Variants in P2RY14 observed in about 807,000 individuals in gnomAD.
P2RY14 encodes purinergic receptor P2Y14.
Under a neutral mutation model 0.9 loss-of-function variants are expected in P2RY14, and 2 were observed. The ratio of observed to expected loss-of-function variants is 2.16; its 90% CI spans 0.88 to 6.79. The LOEUF (loss-of-function observed/expected upper bound fraction) is 6.79. P2RY14 is among the 30% of genes most tolerant of loss of function. The pLI is 0.05. For synonymous variants in P2RY14, 158 were observed against 147.2 expected (o/e 1.07, Z -0.53); for missense variants, 378 against 400.1 (o/e 0.94, Z 0.47).
chr3:151,262,317 C>T (rs1038892628), intron 1 of P2RY14, among the ~76,000 whole-genome samples: 6 of 152,208 alleles, frequency 3.9e-5, no homozygotes, highest in Non-Finnish European at 7.3e-5. Context: ...TTGTTCATCT[C>T]CAGTAGCATG....
intron 1 of P2RY14, among the ~76,000 whole-genome samples, chr3:151,238,702 A>G (rs1356965580): frequency 4.6e-5 from 7 of 152,242 alleles, no homozygotes; most frequent in Non-Finnish European, 7.3e-5. Context: ...ACAAGAAAAG[A>G]AAAATCAGTT....
At chr3:151,237,862 G>A (rs1277848917) in intron 1 of P2RY14, among the ~76,000 whole-genome samples, 2 of 152,126 alleles carry the variant, frequency 1.3e-5, no homozygotes, top group Non-Finnish European at 2.9e-5. Context: ...TCTATGAAAT[G>A]TCTAGTCACA....
intron 1 of P2RY14, among the ~76,000 whole-genome samples, chr3:151,236,427 C>G (rs967691939): frequency 6.6e-6 from 1 of 152,120 alleles, no homozygotes; most frequent in Non-Finnish European, 1.5e-5. Context: ...AGCATTCAAG[C>G]AAGGATGACT....
chr3:151,235,165 A>G (rs1185759895), intron 1 of P2RY14, among the ~76,000 whole-genome samples: 1 of 152,176 alleles, frequency 6.6e-6, no homozygotes, highest in Non-Finnish European at 1.5e-5. Flanking sequence ...ATAAAAAGTA[A>G]AAGCTTAACC....
chr3:151,236,155 G>GC (rs1370424622), intron 1 of P2RY14, among the ~76,000 whole-genome samples: 7 of 152,120 alleles, frequency 4.6e-5, no homozygotes, highest in Admixed American at 3.9e-4. Context: ...AATAGAGCTT[G>GC]CTCTACAGTT....
At chr3:151,246,946 A>G (rs1371938297) in intron 1 of P2RY14, among the ~76,000 whole-genome samples, 1 of 152,204 alleles carries the variant, frequency 6.6e-6, no homozygotes, top group African/African-American at 2.4e-5. Context: ...AACCCCATCA[A>G]AAAGTGGGCA....
chr3:151,265,808 T>A (rs1443400400), intron 1 of P2RY14, among the ~76,000 whole-genome samples: 2 of 152,130 alleles, frequency 1.3e-5, no homozygotes, highest in East Asian at 3.9e-4. Flanking sequence ...TATAAAAAAA[T>A]TTCTCCCTGC....
At chr3:151,267,332 A>G (rs1488355475) in intron 1 of P2RY14, among the ~76,000 whole-genome samples, 1 of 152,208 alleles carries the variant, frequency 6.6e-6, no homozygotes, top group Non-Finnish European at 1.5e-5. Context: ...ACTTCATGAG[A>G]AAAGGAATTT....
At position 151,220,001 on chromosome 3, in the gene P2RY14, T is replaced by A. The variant is rs543758283; in HGVS notation, c.-132-359A>T. Among the ~76,000 whole-genome samples, 8 of 150,878 alleles carry A rather than the reference T, an allele frequency of 5.3e-5. No homozygotes were observed. The East Asian group carries it at 7.8e-4, about 15-fold the overall frequency. ...AAGTCTAATTGCAGGTGGATTTTTT[T>A]AATTGTTTTGTTTTTTAAAAACCTT... On this transcript the variant is annotated intron_variant, in intron 1 of 2. Coordinates refer to ENST00000309170, the MANE Select transcript of P2RY14 (RefSeq NM_014879.4).
At chr3:151,240,830 G>C (rs1733928949) in intron 1 of P2RY14, among the ~76,000 whole-genome samples, 1 of 152,236 alleles carries the variant, frequency 6.6e-6, no homozygotes, top group Non-Finnish European at 1.5e-5. Context: ...GAGACAAGGA[G>C]TGATAGGTGA....
In P2RY14 at chr3:151,213,776, G is replaced by A. The variant is rs202142868; in HGVS notation, c.541C>T (p.Arg181Trp). Residue 181 changes from arginine (R) to tryptophan (W), a missense_variant, in exon 3 of 3, where the codon CGG (arginine) becomes TGG (tryptophan). Physicochemically the swap from Arg to Trp is moderately radical, Grantham distance 101. Transcript: ENST00000309170. ...TAGTTTGATGCTTTGTGCCACTTCCGTCCCAGTTCACTTTTCAGTTCTATA... is the reference window on the plus strand; with the variant it reads ...TAGTTTGATGCTTTGTGCCACTTCCATCCCAGTTCACTTTTCAGTTCTATA... ...KCIELKSELG[R>W]KWHKASNYIF... 3.1e-5 allele frequency: 50 copies of A among 1,613,960 alleles called. No homozygotes were observed. Among genetic ancestry groups the A allele is most frequent in the South Asian group, 6.6e-5 (6 of 91,082 alleles).
rs541579747 is a variant in P2RY14 at position 151,219,266 on chromosome 3, G to A, written c.-25+269C>T. ...AGATAACCTCAGGGTTCTCTCTTTG[G>A]ACAGAATTTAATTGATACAAGGCTG... On this transcript the variant is annotated intron_variant, in intron 2 of 2. Coordinates refer to ENST00000309170, the MANE Select transcript of P2RY14 (RefSeq NM_014879.4). 3.3e-5 allele frequency among the ~76,000 whole-genome samples: 5 copies of A among 152,250 alleles called. No individual in the cohort carries two copies. In the South Asian group the frequency reaches 1.0e-3, roughly 32 times the overall value.
At chr3:151,221,944 A>C (rs1303643438) in intron 1 of P2RY14, among the ~76,000 whole-genome samples, 1 of 152,220 alleles carries the variant, frequency 6.6e-6, no homozygotes, top group African/African-American at 2.4e-5. Flanking sequence ...ACTCAATGCC[A>C]GGAGGGAGGC....
At chr3:151,263,562 C>T (rs996817062) in intron 1 of P2RY14, among the ~76,000 whole-genome samples, 7 of 152,082 alleles carry the variant, frequency 4.6e-5, no homozygotes, top group African/African-American at 7.2e-5. Flanking sequence ...CGTGTTTTAT[C>T]GTTAATTTAA....
In P2RY14 at chr3:151,246,347, A is replaced by G. The variant is rs1258183509; in HGVS notation, c.-132-26705T>C. 1.1e-4 allele frequency among the ~76,000 whole-genome samples: 17 copies of G among 152,250 alleles called. No homozygotes were observed. The East Asian group carries it at 3.3e-3, about 29-fold the overall frequency. ...AAGCCAAAAGAACAAAGCTGGAGGC[A>G]TCACGCTACCTGACTTCAAACTATA... On this transcript the variant is annotated intron_variant, in intron 1 of 2. Coordinates refer to ENST00000309170, the MANE Select transcript of P2RY14 (RefSeq NM_014879.4).
chr3:151,223,986 A>G (rs562105719), intron 1 of P2RY14, among the ~76,000 whole-genome samples: 5 of 152,332 alleles, frequency 3.3e-5, no homozygotes, highest in African/African-American at 1.2e-4. Flanking sequence ...TGTATCTGTG[A>G]TATTTTATTT....
intron 1 of P2RY14, among the ~76,000 whole-genome samples, chr3:151,277,338 T>C (rs1459582670): frequency 6.6e-6 from 1 of 152,232 alleles, no homozygotes; most frequent in Non-Finnish European, 1.5e-5. Context: ...ATAAAATTCA[T>C]TGCATGTTTA....
chr3:151,264,624 A>G (rs1265774607), intron 1 of P2RY14, among the ~76,000 whole-genome samples: 1 of 152,192 alleles, frequency 6.6e-6, no homozygotes, highest in Non-Finnish European at 1.5e-5. Flanking sequence ...GTGTATTAAA[A>G]ACTGCTCTGT....
At chr3:151,242,280 A>G (rs1041681220) in intron 1 of P2RY14, among the ~76,000 whole-genome samples, 3 of 152,254 alleles carry the variant, frequency 2.0e-5, no homozygotes, top group African/African-American at 7.2e-5. Context: ...CCACAGCTCA[A>G]GGAGGCCTGC....
Sources: allele counts gnomAD v4.1 joint callset (sites outside exome capture counted in the v4.1 genomes callset), GRCh38; gene constraint gnomAD v4.1.1; transcripts MANE v1.5; gene names NCBI Gene and HGNC (gene_info 2026-07-23, HGNC 2026-07-21).